Variants in FRMD8 observed in about 807,000 individuals in gnomAD.
The protein encoded by FRMD8 is FERM domain containing 8.
In FRMD8, 37 loss-of-function variants were observed where a neutral mutation model predicts 54.2. The ratio of observed to expected loss-of-function variants is 0.68; its 90% CI spans 0.53 to 0.90. FRMD8 has a LOEUF of 0.90. FRMD8 is among the 40% of genes least tolerant of loss of function. The pLI is 0.00. For missense variants in FRMD8, 585 were observed against 653.7 expected, an observed-to-expected ratio of 0.89 and a Z score of 1.15; for synonymous variants, 246 against 286.9, an observed-to-expected ratio of 0.86 and a Z score of 1.44.
At chr11:65,379,051 T>C in the FRMD8 span, 1 of 348,328 alleles carries the variant, frequency 2.9e-6, no homozygotes. Context: ...AAAGGTCTCC[T>C]TGGGGAGTGG....
chr11:65,381,689 G>A (rs1855566910), upstream of FRMD8: 1 of 542,590 alleles, frequency 1.8e-6, no homozygotes, highest in Admixed American at 2.8e-5. Flanking sequence ...TAAGTAGCTG[G>A]GACTACAGGT....
intron 10 of FRMD8, among the ~76,000 whole-genome samples, chr11:65,408,838 T>G (rs1317845454): frequency 1.3e-5 from 2 of 151,558 alleles, no homozygotes; most frequent in African/African-American, 4.8e-5. Flanking sequence ...TCAAAACTCC[T>G]GGGATCAAAT....
At chr11:65,408,857 C>T (rs1270398940) in intron 10 of FRMD8, among the ~76,000 whole-genome samples, 1 of 151,690 alleles carries the variant, frequency 6.6e-6, no homozygotes, top group African/African-American at 2.4e-5. Context: ...ATGATCCTCC[C>T]ACCTCAGCCT....
chr11:65,373,990 C>CTAAA, the FRMD8 span, among the ~76,000 whole-genome samples: 5 of 152,130 alleles, frequency 3.3e-5, no homozygotes, highest in Non-Finnish European at 7.4e-5. Context: ...ATGAAGCTTG[C>CTAAA]TAAACTGTTG....
Position 65,399,759 on chromosome 11 carries a change from T to G in FRMD8, c.827T>G (p.Val276Gly). Residue 276 changes from valine to glycine, a missense_variant, in exon 8 of 11, where the codon GTT (valine) becomes GGT (glycine). By Grantham distance (109) the Val-to-Gly change is moderately radical. Coordinates refer to ENST00000317568, the MANE Select transcript of FRMD8 (RefSeq NM_031904.5). ...FYGCAFFHGEVDKPAQGFLHR... is the reference protein window; with the variant it reads ...FYGCAFFHGEGDKPAQGFLHR... ...AGGTGTGCCTTCTTCCACGGTGAGG[T>G]TGACAAGCCGGCCCAAGGCTTTTTG... 6.2e-7 allele frequency: 1 copy of G among 1,614,018 alleles called. No homozygotes were observed. The highest frequency in any genetic ancestry group is 8.5e-7 in the Non-Finnish European group (1 of 1,179,968).
the FRMD8 span, chr11:65,380,576 G>A: frequency 1.1e-4 from 141 of 1,301,832 alleles, no homozygotes; most frequent in African/African-American, 4.5e-4. Context: ...TCATAATGTC[G>A]TCGCCGGGAT....
At chr11:65,406,713 G>T (rs1856206577) in intron 10 of FRMD8, among the ~76,000 whole-genome samples, 2 of 152,002 alleles carry the variant, frequency 1.3e-5, no homozygotes, top group South Asian at 4.1e-4. Context: ...ACCAAGGCGG[G>T]TGGATCACCT....
chr11:65,412,115 T>C lies in FRMD8; in HGVS notation c.*755T>C, dbSNP rs917172626. On this transcript the variant is annotated 3_prime_UTR_variant, in exon 11 of 11. Transcript: ENST00000317568. Reference sequence around the variant, plus strand: ...ATGCCTTTCTGATAGCCTTTGGTGATGTCACTGCTGGGAGGTGGCTATCCT... The same window carrying C: ...ATGCCTTTCTGATAGCCTTTGGTGACGTCACTGCTGGGAGGTGGCTATCCT... 1 of 152,226 alleles carries C rather than the reference T, an allele frequency of 6.6e-6. No individual in the cohort carries two copies. Among genetic ancestry groups the C allele is most frequent in the African/African-American group, 2.4e-5 (1 of 41,444 alleles). The allele number at this position is 152,226 out of a possible 1,614,324, so 9.4% of individuals were successfully genotyped here. A position where few individuals can be genotyped will look rare whatever the true frequency, so the allele number is the denominator to read the frequency against.
Position 65,411,400 on chromosome 11 carries a change from TGG to T in FRMD8, c.*41_*42del. ...GCAGGAGGAGGGCGACTGGGGGCCC[TGG>T]CCCGGCACTGTCCTCCTGAGGGGCA... On this transcript the variant is annotated 3_prime_UTR_variant, in exon 11 of 11. Transcript: ENST00000317568. 7.1e-7 allele frequency: 1 copy of T among 1,400,514 alleles called. No individual in the cohort carries two copies. The highest frequency in any genetic ancestry group is 9.7e-7 in the Non-Finnish European group (1 of 1,025,890). 86.8% of individuals were successfully genotyped at this position (1,400,514 alleles called of 1,614,324 possible).
At chr11:65,390,882 C>G (rs1855831911) in intron 3 of FRMD8, among the ~76,000 whole-genome samples, 2 of 152,280 alleles carry the variant, frequency 1.3e-5, no homozygotes, top group African/African-American at 2.4e-5. Context: ...CGTGAATGGG[C>G]TGCTTTGTTG....
chr11:65,373,185 C>T, the FRMD8 span, among the ~76,000 whole-genome samples: 9 of 152,010 alleles, frequency 5.9e-5, no homozygotes, highest in South Asian at 2.1e-4. Context: ...TGCAGTGAGC[C>T]GAGATCGTGC....
At chr11:65,380,185 C>A in the FRMD8 span, 1 of 1,614,154 alleles carries the variant, frequency 6.2e-7, no homozygotes. Flanking sequence ...CCTGTGGTGA[C>A]AAGAGGGTGC....
At chr11:65,386,384 A>T (rs1855729950), upstream of FRMD8, among the ~76,000 whole-genome samples, 1 of 152,284 alleles carries the variant, frequency 6.6e-6, no homozygotes, top group East Asian at 1.9e-4. Context: ...CCCTAGCCTG[A>T]TTCTCGAATC....
chr11:65,387,147 C>T, intron 2 of FRMD8, 26 bp downstream of exon 2: 1 of 1,580,496 alleles, frequency 6.3e-7, no homozygotes, highest in Non-Finnish European at 8.6e-7. Flanking sequence ...ATCTCCTCTT[C>T]CACACCCTCC....
chr11:65,393,438 A>G, intron 3 of FRMD8, 135 bp from the exon 4 acceptor site: 1 of 642,650 alleles, frequency 1.6e-6, no homozygotes, highest in East Asian at 2.7e-5. Context: ...TGCAGAGTAA[A>G]TGGCTCTGGA....
chr11:65,389,612 C>A, intron 3 of FRMD8, 84 bp downstream of exon 3: 1 of 1,377,846 alleles, frequency 7.3e-7, no homozygotes, highest in Non-Finnish European at 9.8e-7. Context: ...TGTTTGGAGC[C>A]GCTGGGGAGC....
At chr11:65,378,828 C>T in the FRMD8 span, 1 of 155,238 alleles carries the variant, frequency 6.4e-6, no homozygotes, top group South Asian at 1.9e-4. Flanking sequence ...CCATCCACCC[C>T]TCTAAAGCCC....
At chr11:65,395,366 C>T (rs953950199) in intron 6 of FRMD8, among the ~76,000 whole-genome samples, 10 of 151,448 alleles carry the variant, frequency 6.6e-5, no homozygotes, top group African/African-American at 2.5e-4. Flanking sequence ...GTGGAGAAAC[C>T]CCGTCTCTAC....
the FRMD8 span, among the ~76,000 whole-genome samples, chr11:65,374,270 G>A: frequency 7.5e-6 from 1 of 133,106 alleles, no homozygotes; most frequent in Non-Finnish European, 1.8e-5. Context: ...AGGGTGGTGT[G>A]GGGGGAGTTG....
Sources: gnomAD v4.1 joint callset for allele counts (sites outside exome capture counted in the v4.1 genomes callset) on GRCh38, gnomAD v4.1.1 for gene constraint, MANE v1.5 for transcripts, NCBI Gene and HGNC (gene_info 2026-07-23, HGNC 2026-07-21) for gene names.